IRF2BP2: variants seen among roughly 807,000 people sequenced by gnomAD.
The protein encoded by IRF2BP2 is interferon regulatory factor 2 binding protein 2.
Under a neutral mutation model 32.7 loss-of-function variants are expected in IRF2BP2, and 13 were observed. That is an observed-to-expected ratio of 0.40 (90% confidence interval 0.26 to 0.63). IRF2BP2 has a LOEUF of 0.63. Ranked by LOEUF, IRF2BP2 falls within the 30% of genes least tolerant of loss-of-function variation. The pLI, the probability that IRF2BP2 is intolerant of heterozygous loss-of-function variation, is 0.42. For synonymous variants in IRF2BP2, 555 were observed against 384.6 expected (o/e 1.44, Z -5.18); for missense variants, 980 against 830.6 (o/e 1.18, Z -2.21).
At chr1:234,608,067 A>T (rs1352264677) in intron 1 of IRF2BP2, 1 of 563,626 alleles carries the variant, frequency 1.8e-6, no homozygotes, top group Non-Finnish European at 3.1e-6. Context: ...TTTAAAATGG[A>T]GCCACTGAAA....
intron 1 of IRF2BP2, chr1:234,608,148 G>T: frequency 1.9e-6 from 1 of 529,422 alleles, no homozygotes; most frequent in Non-Finnish European, 3.3e-6. Flanking sequence ...ACATGTGACT[G>T]CTAATGTCCC....
rs1344803662 is a variant in IRF2BP2 at position 234,606,105 on chromosome 1, G to A, written c.*1032C>T. The stretch of plus-strand genomic sequence containing the variant: ...GTATTCAGCACTCACTAGAAACAGG[G>A]TATAGGTGATAGTATCAACAGCAAT... On this transcript the variant is annotated 3_prime_UTR_variant, in exon 2 of 2. Coordinates refer to ENST00000366609, the MANE Select transcript of IRF2BP2 (RefSeq NM_182972.3). 1 of 152,226 alleles carries A rather than the reference G, an allele frequency of 6.6e-6. No individual in the cohort carries two copies. Among genetic ancestry groups the A allele is most frequent in the Non-Finnish European group, 1.5e-5 (1 of 68,066 alleles). 9.4% of individuals were successfully genotyped at this position (152,226 alleles called of 1,614,324 possible).
In IRF2BP2 at chr1:234,607,843, G is replaced by C; in HGVS notation, c.1058C>G (p.Thr353Arg). The change falls in exon 2 of 2, where the codon ACA becomes AGA. Residue 353 changes from threonine (T) to arginine (R), a missense_variant. Coordinates refer to ENST00000366609, the MANE Select transcript of IRF2BP2 (RefSeq NM_182972.3). Reference sequence around the variant, plus strand: ...TGGAGAGGGCTTCCTTTTCCTTGCTGTTCTTGCAACTGGAAACACAAAGAA... The same window carrying C: ...TGGAGAGGGCTTCCTTTTCCTTGCTCTTCTTGCAACTGGAAACACAAAGAA... ...GANGSKAVAR[T>R]ARKRKPSPEP... The C allele has an allele frequency of 6.4e-7, 1 of 1,567,120 alleles. No individual in the cohort carries two copies. Among genetic ancestry groups the C allele is most frequent in the Non-Finnish European group, 8.6e-7 (1 of 1,156,746 alleles).
intron 1 of IRF2BP2, 177 bp from the exon 2 acceptor site, chr1:234,608,029 C>T (rs979666489): frequency 1.7e-6 from 1 of 585,794 alleles, no homozygotes; most frequent in Non-Finnish European, 3.0e-6. Flanking sequence ...AACCTTCAGG[C>T]GTACGGGATT....
Position 234,604,907 on chromosome 1 carries a change from T to G in IRF2BP2, c.*2230A>C, listed in dbSNP as rs186376811. The G allele has an allele frequency of 6.6e-6, 1 of 152,328 alleles. No individual in the cohort carries two copies. Among genetic ancestry groups the G allele is most frequent in the Non-Finnish European group, 1.5e-5 (1 of 68,036 alleles). 9.4% of individuals were successfully genotyped at this position (152,328 alleles called of 1,614,324 possible). A position where few individuals can be genotyped will look rare whatever the true frequency, so the allele number is the denominator to read the frequency against. On this transcript the variant is annotated 3_prime_UTR_variant, in exon 2 of 2. Coordinates refer to ENST00000366609, the MANE Select transcript of IRF2BP2 (RefSeq NM_182972.3). ...AAGGCCACCCAAAGGCCAGTCAGAC[T>G]CGTGCAGATCTTATTTTTTAATAGT...
rs1198422212 is a variant in IRF2BP2 at position 234,610,049 on chromosome 1, T to C, written c.-555A>G. 1.4e-5 allele frequency among the ~76,000 whole-genome samples: 2 copies of C among 145,522 alleles called. No homozygotes were observed. Among genetic ancestry groups the C allele is most frequent in the Admixed American group, 6.8e-5 (1 of 14,762 alleles). ...GCTCGGGCGCGGCGCGGGCCCCGGG[T>C]CGCTCCGCCGCTCTCTCACAGCTCC... On this transcript the variant is annotated 5_prime_UTR_variant, in exon 1 of 2. Coordinates refer to ENST00000366609, the MANE Select transcript of IRF2BP2 (RefSeq NM_182972.3).
Position 234,608,499 on chromosome 1 carries a change from A to C in IRF2BP2, c.996T>G (p.Thr332=). 6.2e-7 allele frequency: 1 copy of C among 1,608,242 alleles called. No individual in the cohort carries two copies. Among genetic ancestry groups the C allele is most frequent in the Non-Finnish European group, 8.5e-7 (1 of 1,177,470 alleles). The change falls in exon 1 of 2, where the codon ACT becomes ACG. Residue 332 remains threonine, a synonymous_variant. Coordinates refer to ENST00000366609, the MANE Select transcript of IRF2BP2 (RefSeq NM_182972.3). Reference sequence around the variant, plus strand: ...CCTCGAAACCCAACAACCTGCCTGCAGTCAGGGCCGGCTCCTTCTTAAACT... The same window carrying C: ...CCTCGAAACCCAACAACCTGCCTGCCGTCAGGGCCGGCTCCTTCTTAAACT... ...ESKFKKEPAL[T]AGRLLGFEAN...
Position 234,608,827 on chromosome 1 carries a change from C to T in IRF2BP2, c.668G>A (p.Ser223Asn). 7.4e-6 allele frequency: 10 copies of T among 1,358,264 alleles called. No homozygotes were observed. The highest frequency in any genetic ancestry group is 9.4e-6 in the Non-Finnish European group (10 of 1,064,880). The allele number at this position is 1,358,264 out of a possible 1,614,324, so 84.1% of individuals were successfully genotyped here. A position where few individuals can be genotyped will look rare whatever the true frequency, so the allele number is the denominator to read the frequency against. The change falls in exon 1 of 2, where the codon AGC (serine) becomes AAC (asparagine). Residue 223 changes from serine (S) to asparagine (N), a missense_variant. Coordinates refer to ENST00000366609, the MANE Select transcript of IRF2BP2 (RefSeq NM_182972.3). Reference sequence around the variant, plus strand: ...ATCGGTGGGCTGCGCGGAGCCCAGGCTGGCGGCCGCGGTTCCGGACACCGC... The same window carrying T: ...ATCGGTGGGCTGCGCGGAGCCCAGGTTGGCGGCCGCGGTTCCGGACACCGC... The part of the protein sequence containing the change: ...LAAVSGTAAA[S>N]LGSAQPTDLG...
Position 234,608,622 on chromosome 1 carries a change from G to C in IRF2BP2, c.873C>G (p.Arg291=), listed in dbSNP as rs758151588. The change falls in exon 1 of 2, where the codon CGC becomes CGG. Residue 291 remains arginine, a synonymous_variant. Coordinates refer to ENST00000366609, the MANE Select transcript of IRF2BP2 (RefSeq NM_182972.3). ...ELSAEGAGKS[R]GSGEQDWVNR... ...TGACCCAGTCCTGCTCTCCAGACCCGCGGCTCTTGCCCGCACCTTCCGCGC... is the reference window on the plus strand; with the variant it reads ...TGACCCAGTCCTGCTCTCCAGACCCCCGGCTCTTGCCCGCACCTTCCGCGC... The C allele has an allele frequency of 1.4e-5, 22 of 1,573,808 alleles. No individual in the cohort carries two copies. The Middle Eastern group carries it at 5.3e-4, about 38-fold the overall frequency.
At position 234,607,080 on chromosome 1, in the gene IRF2BP2, A is replaced by G; in HGVS notation, c.*57T>C. On this transcript the variant is annotated 3_prime_UTR_variant, in exon 2 of 2. Coordinates refer to ENST00000366609, the MANE Select transcript of IRF2BP2 (RefSeq NM_182972.3). ...TATATATATATATGGAGATATATAT[A>G]CAATTCAAGCAGTTTTAATTAAGGG... The G allele has an allele frequency of 8.4e-7, 1 of 1,187,920 alleles. No individual in the cohort carries two copies. The highest frequency in any genetic ancestry group is 1.2e-6 in the Non-Finnish European group (1 of 818,830). The allele number at this position is 1,187,920 out of a possible 1,614,324, so 73.6% of individuals were successfully genotyped here.
Position 234,607,848 on chromosome 1 carries a change from T to C in IRF2BP2, c.1053A>G (p.Ala351=). The change falls in exon 2 of 2, where the codon GCA becomes GCG. Residue 351 remains alanine, a synonymous_variant. Transcript: ENST00000366609. ...ANGANGSKAV[A]RTARKRKPSP... ...AGGGCTTCCTTTTCCTTGCTGTTCT[T>C]GCAACTGGAAACACAAAGAAATAAA... The C allele has an allele frequency of 6.4e-7, 1 of 1,562,640 alleles. No homozygotes were observed.
Position 234,609,610 on chromosome 1 carries a change from A to C in IRF2BP2, c.-116T>G, listed in dbSNP as rs1571959375. 2 of 445,890 alleles carry C rather than the reference A, an allele frequency of 4.5e-6. No homozygotes were observed. Among genetic ancestry groups the C allele is most frequent in the Non-Finnish European group, 6.8e-6 (2 of 296,120 alleles). The allele number at this position is 445,890 out of a possible 1,614,324, so 27.6% of individuals were successfully genotyped here. ...CCCCCCCCAACCCCGCGTCTCCCCC[A>C]CCAGCGGCGGCGGCGGCCGCAAAGG... is the stretch of plus-strand genomic sequence containing the variant. On this transcript the variant is annotated 5_prime_UTR_variant, in exon 1 of 2. Transcript: ENST00000366609.
chr1:234,608,044 G>A (rs539579945), intron 1 of IRF2BP2, 192 bp from the exon 2 acceptor site: 10 of 577,964 alleles, frequency 1.7e-5, no homozygotes, highest in South Asian at 7.1e-5. Context: ...GGGATTCTGA[G>A]GCAGCAGACT....
Position 234,607,356 on chromosome 1 carries a change from G to A in IRF2BP2, c.1545C>T (p.Asp515=). The change falls in exon 2 of 2, where the codon GAC becomes GAT. Residue 515 remains aspartate, a synonymous_variant. Coordinates refer to ENST00000366609, the MANE Select transcript of IRF2BP2 (RefSeq NM_182972.3). ...CCTLCHERLE[D]THFVQCPSVP... ...CGGACGGGCACTGCACAAAATGGGT[G>A]TCCTCCAGCCGCTCGTGGCAGAGGG... The A allele has an allele frequency of 6.2e-7, 1 of 1,614,214 alleles. No homozygotes were observed. The highest frequency in any genetic ancestry group is 8.5e-7 in the Non-Finnish European group (1 of 1,180,030).
Position 234,607,484 on chromosome 1 carries a change from C to T in IRF2BP2, c.1417G>A (p.Glu473Lys). 6.2e-7 allele frequency: 1 copy of T among 1,614,148 alleles called. No individual in the cohort carries two copies. Among genetic ancestry groups the T allele is most frequent in the Non-Finnish European group, 8.5e-7 (1 of 1,179,952 alleles). Residue 473 changes from glutamate (E) to lysine (K), a missense_variant, in exon 2 of 2, where the codon GAG (glutamate) becomes AAG (lysine). Transcript: ENST00000366609. ...SMNQRRLGPR[E>K]VGGQGAGNTG... The stretch of plus-strand genomic sequence containing the variant: ...TTGCCTGCTCCCTGGCCCCCCACCT[C>T]TCTGGGGCCCAGCCTTCTTTGGTTC...
At chr1:234,608,085 G>C (rs537949877) in intron 1 of IRF2BP2, 3 of 557,612 alleles carry the variant, frequency 5.4e-6, no homozygotes, top group African/African-American at 3.8e-5. Flanking sequence ...AAAATGACAC[G>C]CTTGTAACTG....
At chr1:234,607,875 G>A (rs771076542) in intron 1 of IRF2BP2, 23 bp from the exon 2 acceptor site, 21 of 1,514,896 alleles carry the variant, frequency 1.4e-5, no homozygotes, top group African/African-American at 7.0e-5. Flanking sequence ...AGAAATAAAA[G>A]GAAAAAGGTA....
rs1260137400 is a variant in IRF2BP2, at chr1:234,607,101, A to T, written c.*36T>A. The T allele has an allele frequency of 1.4e-6, 2 of 1,453,236 alleles. No individual in the cohort carries two copies. The highest frequency in any genetic ancestry group is 2.4e-5 in the South Asian group (2 of 84,196). 90.0% of individuals were successfully genotyped at this position (1,453,236 alleles called of 1,614,324 possible). A position where few individuals can be genotyped will look rare whatever the true frequency, so the allele number is the denominator to read the frequency against. ...ATATACAATTCAAGCAGTTTTAATT[A>T]AGGGTAATCATTGGGTTTTTCTGAA... On this transcript the variant is annotated 3_prime_UTR_variant, in exon 2 of 2. Transcript: ENST00000366609.
rs200463649 is a variant in IRF2BP2 at position 234,608,933 on chromosome 1, G to C, written c.562C>G (p.Leu188Val). Residue 188 changes from leucine (L) to valine (V), a missense_variant, in exon 1 of 2, where the codon CTG (leucine) becomes GTG (valine). Transcript: ENST00000366609. ...GCCGAGCCGTTCATGAGCGGCACCA[G>C]GGTGGGCGGCACCGCGTGGCCGCGC... ...PRRGHAVPPT[L>V]VPLMNGSATP... The C allele has an allele frequency of 4.4e-6, 6 of 1,371,088 alleles. No homozygotes were observed. In the African/African-American group the frequency reaches 7.5e-5, roughly 17 times the overall value. 84.9% of individuals were successfully genotyped at this position (1,371,088 alleles called of 1,614,324 possible). A position where few individuals can be genotyped will look rare whatever the true frequency, so the allele number is the denominator to read the frequency against.
Sources: allele counts gnomAD v4.1 joint callset (sites outside exome capture counted in the v4.1 genomes callset), GRCh38; gene constraint gnomAD v4.1.1; transcripts MANE v1.5; gene names NCBI Gene and HGNC (gene_info 2026-07-23, HGNC 2026-07-21).